Variants in ATP6V1B2 observed in about 807,000 individuals in gnomAD.
The protein encoded by ATP6V1B2 is V-type proton ATPase subunit B, brain isoform.
ATP6V1B2 carries 23 observed loss-of-function variants against 66.7 expected under a neutral mutation model. That is an observed-to-expected ratio of 0.34 (90% CI 0.25 to 0.49). The LOEUF is 0.49. ATP6V1B2 is among the 20% of genes least tolerant of loss of function. The pLI is 0.99. For missense variants in ATP6V1B2, 478 were observed against 650.8 expected, an observed-to-expected ratio of 0.73 and a Z score of 2.89; for synonymous variants, 278 against 236.7, an observed-to-expected ratio of 1.17 and a Z score of -1.60.
chr8:20,201,688 A>G (rs1025335347), intron 1 of ATP6V1B2, among the ~76,000 whole-genome samples: 1 of 152,188 alleles, frequency 6.6e-6, no homozygotes, highest in South Asian at 2.1e-4. Flanking sequence ...CAAACTTATC[A>G]GGGCCTTAGT....
At chr8:20,213,069 A>G (rs2072811798) in intron 9 of ATP6V1B2, 164 bp downstream of exon 9, 2 of 913,964 alleles carry the variant, frequency 2.2e-6, no homozygotes, top group South Asian at 1.6e-5. Context: ...GTTTTTGTCA[A>G]CTTGGTAGAA....
chr8:20,204,909 A>G (rs895930509), intron 2 of ATP6V1B2, among the ~76,000 whole-genome samples: 2 of 152,132 alleles, frequency 1.3e-5, no homozygotes, highest in African/African-American at 4.8e-5. Flanking sequence ...TACATTGAGA[A>G]ACACTTCTTA....
intron 2 of ATP6V1B2, among the ~76,000 whole-genome samples, chr8:20,209,177 A>G (rs1478112850): frequency 1.3e-5 from 2 of 152,182 alleles, no homozygotes; most frequent in African/African-American, 2.4e-5. Context: ...AAAGCAATAC[A>G]TTTAATTCCC....
chr8:20,211,058 C>T, intron 5 of ATP6V1B2, 119 bp from the exon 6 acceptor site: 1 of 1,286,976 alleles, frequency 7.8e-7, no homozygotes, highest in Non-Finnish European at 1.1e-6. Flanking sequence ...TAAAGAGATG[C>T]TTTATGTAGT....
At chr8:20,200,524 T>C (rs1353276260) in intron 1 of ATP6V1B2, among the ~76,000 whole-genome samples, 1 of 152,240 alleles carries the variant, frequency 6.6e-6, no homozygotes, top group Non-Finnish European at 1.5e-5. Flanking sequence ...TTCAAGATTA[T>C]AGGACTTTTA....
At chr8:20,199,153 G>T (rs2072658306) in intron 1 of ATP6V1B2, among the ~76,000 whole-genome samples, 1 of 152,232 alleles carries the variant, frequency 6.6e-6, no homozygotes, top group African/African-American at 2.4e-5. Context: ...ACCTTTAAGA[G>T]AGATGAATAT....
At chr8:20,218,351 T>A in intron 13 of ATP6V1B2, 69 bp downstream of exon 13, 1 of 1,565,238 alleles carries the variant, frequency 6.4e-7, no homozygotes, top group Non-Finnish European at 8.7e-7. Flanking sequence ...TTTCCAAGCC[T>A]AAGAAAATTC....
chr8:20,212,240 G>T (rs778048934), intron 8 of ATP6V1B2, 41 bp downstream of exon 8: 9 of 1,580,062 alleles, frequency 5.7e-6, no homozygotes, highest in Non-Finnish European at 7.8e-6. Flanking sequence ...CCAGACTCGG[G>T]ATCAAAAGTG....
At position 20,218,657 on chromosome 8, in the gene ATP6V1B2, C is replaced by G. The variant is rs148764449; in HGVS notation, c.1396+375C>G. ...TTTCCTGATTCATCTATATTCATCT[C>G]TTTTTCTCATTTCTTACCTTCCTGC... On this transcript the variant is annotated intron_variant, in intron 13 of 13. Transcript: ENST00000276390. 3.2e-3 allele frequency among the ~76,000 whole-genome samples: 483 copies of G among 152,276 alleles called. 5 individuals are homozygous for G. The highest frequency in any genetic ancestry group is 0.011 in the African/African-American group (465 of 41,540).
intron 11 of ATP6V1B2, 46 bp from the exon 12 acceptor site, chr8:20,217,174 G>T: frequency 6.7e-7 from 1 of 1,491,532 alleles, no homozygotes; most frequent in South Asian, 1.1e-5. Context: ...TAAAACTTGA[G>T]TTTTGTACTT....
intron 6 of ATP6V1B2, 43 bp from the exon 7 acceptor site, chr8:20,211,609 G>A: frequency 3.2e-6 from 5 of 1,548,164 alleles, no homozygotes; most frequent in Non-Finnish European, 4.4e-6. Context: ...TTGTAGAAAT[G>A]TTATTTTAGA....
At chr8:20,204,005 G>C (rs544654981) in intron 1 of ATP6V1B2, 1 of 455,848 alleles carries the variant, frequency 2.2e-6, no homozygotes, top group East Asian at 7.0e-5. Context: ...TCACTTCTGC[G>C]TAACATTAAG....
intron 1 of ATP6V1B2, 107 bp from the exon 2 acceptor site, chr8:20,204,375 GTA>G: frequency 2.2e-6 from 2 of 901,444 alleles, no homozygotes; most frequent in East Asian, 5.1e-5. Context: ...TGAGTGTACC[GTA>G]TTCTAATAGA....
At chr8:20,207,495 C>T (rs369811469) in intron 2 of ATP6V1B2, among the ~76,000 whole-genome samples, 7 of 152,154 alleles carry the variant, frequency 4.6e-5, no homozygotes, top group African/African-American at 1.7e-4. Flanking sequence ...GGGTGCAGCA[C>T]ACCAGCATGG....
At chr8:20,216,024 A>T (rs2072850999) in intron 10 of ATP6V1B2, 1 of 155,652 alleles carries the variant, frequency 6.4e-6, no homozygotes, top group Non-Finnish European at 1.4e-5. Flanking sequence ...TAGGGGAGAG[A>T]GTATTTTTAA....
At chr8:20,211,072 G>C in intron 5 of ATP6V1B2, 105 bp from the exon 6 acceptor site, 10 of 1,413,694 alleles carry the variant, frequency 7.1e-6, no homozygotes, top group Non-Finnish European at 8.6e-6. Flanking sequence ...ATGTAGTTCT[G>C]GTCTTCTGGT....
chr8:20,201,386 T>G (rs1353548849), intron 1 of ATP6V1B2, among the ~76,000 whole-genome samples: 2 of 152,218 alleles, frequency 1.3e-5, no homozygotes, highest in Non-Finnish European at 2.9e-5. Flanking sequence ...TTTGGGCTGT[T>G]AATGGTAATG....
chr8:20,212,278 G>T (rs10156354), intron 8 of ATP6V1B2, 79 bp downstream of exon 8: 1 of 1,334,462 alleles, frequency 7.5e-7, no homozygotes, highest in Non-Finnish European at 1.1e-6. Context: ...GGTAAAATGT[G>T]GTAATAACAG....
At chr8:20,217,001 A>T in intron 11 of ATP6V1B2, 1 of 534,280 alleles carries the variant, frequency 1.9e-6, no homozygotes, top group South Asian at 2.2e-5. Flanking sequence ...TATAGATGAC[A>T]CTTTTTTGGA....
Sources: allele counts gnomAD v4.1 joint callset (sites outside exome capture counted in the v4.1 genomes callset), GRCh38; gene constraint gnomAD v4.1.1; transcripts MANE v1.5; gene names NCBI Gene and HGNC (gene_info 2026-07-23, HGNC 2026-07-21).